SOX6: variants seen among roughly 807,000 people sequenced by gnomAD.
SOX6 encodes SRY-box transcription factor 6.
A neutral mutation model predicts 97.8 loss-of-function variants in SOX6; 11 were observed. That is an observed-to-expected ratio of 0.11 (90% CI 0.07 to 0.19). The LOEUF (loss-of-function observed/expected upper bound fraction) is 0.19. Ranked by LOEUF, SOX6 falls within the 10% of genes least tolerant of loss-of-function variation. The probability of loss-of-function intolerance (pLI) is 1.00; values close to 1 mark genes in which losing one functional copy is unlikely to be tolerated. For synonymous variants in SOX6, 360 were observed against 371.4 expected (o/e 0.97, Z 0.35); for missense variants, 810 against 1,039.5 (o/e 0.78, Z 3.04).
At chr11:16,638,882 T>C (rs1848841731) in intron 3 of SOX6, among the ~76,000 whole-genome samples, 1 of 152,224 alleles carries the variant, frequency 6.6e-6, no homozygotes, top group South Asian at 2.1e-4. Context: ...CTGTTCACTC[T>C]GATGGTAGTT....
intron 3 of SOX6, among the ~76,000 whole-genome samples, chr11:16,615,720 G>A (rs906309590): frequency 6.6e-6 from 1 of 152,122 alleles, no homozygotes; most frequent in Non-Finnish European, 1.5e-5. Flanking sequence ...TATTTTTGAA[G>A]TGCTATCTGA....
chr11:16,207,464 G>A (rs868370771), intron 4 of SOX6, among the ~76,000 whole-genome samples: 2 of 151,772 alleles, frequency 1.3e-5, no homozygotes, highest in African/African-American at 2.4e-5. Context: ...GCATGGTGGC[G>A]GGCACCTGTA....
In SOX6 at chr11:16,049,798, G is replaced by T; in HGVS notation, c.1392C>A (p.Ile464=). 4 of 1,613,646 alleles carry T rather than the reference G, an allele frequency of 2.5e-6. No homozygotes were observed. Among genetic ancestry groups the T allele is most frequent in the Non-Finnish European group, 3.4e-6 (4 of 1,179,816 alleles). ...CCAGGCTTCCTCCAATGGGGCTAGGGATGCTGCTTTTGTTTGGCAGATTGA... is the reference window on the plus strand; with the variant it reads ...CCAGGCTTCCTCCAATGGGGCTAGGTATGCTGCTTTTGTTTGGCAGATTGA... ...SPVNLPNKSS[I]PSPIGGSLGR... is the part of the protein sequence containing the mutation. Residue 464 remains isoleucine (I), a synonymous_variant, in exon 11 of 16, where the codon ATC becomes ATA. Coordinates refer to ENST00000683767, the MANE Select transcript of SOX6 (RefSeq NM_001367873.1).
chr11:16,544,102 A>G (rs1443128187), intron 4 of SOX6, among the ~76,000 whole-genome samples: 1 of 152,214 alleles, frequency 6.6e-6, no homozygotes, highest in Non-Finnish European at 1.5e-5. Context: ...GCTAAGCAAA[A>G]GAAGCTAAAA....
intron 3 of SOX6, chr11:16,316,723 A>G: frequency 6.6e-6 from 1 of 152,156 alleles, no homozygotes; most frequent in Non-Finnish European, 1.5e-5. Flanking sequence ...ACTTACTTAT[A>G]GAACTGAAAC....
intron 2 of SOX6, among the ~76,000 whole-genome samples, chr11:16,723,667 C>T (rs896310848): frequency 2.6e-5 from 4 of 151,776 alleles, no homozygotes; most frequent in South Asian, 2.1e-4. Context: ...AAAATTAGCC[C>T]GGCCTGGTGG....
chr11:16,631,922 A>G lies in SOX6; in HGVS notation n.430-19662T>C, dbSNP rs115756178. Among the ~76,000 whole-genome samples the G allele has an allele frequency of 3.1e-3, 473 of 152,312 alleles. 4 individuals carry two copies. Among genetic ancestry groups the G allele is most frequent in the African/African-American group, 0.011 (446 of 41,578 alleles). On this transcript the variant is annotated intron_variant and non_coding_transcript_variant, in intron 3 of 5. Transcript: ENST00000524520. ...CAAAATTCTTTAAGTGAGTTTTTCAATTGCAGAAGCTCTGATTTATTTTTT... is the reference window on the plus strand; with the variant it reads ...CAAAATTCTTTAAGTGAGTTTTTCAGTTGCAGAAGCTCTGATTTATTTTTT...
At chr11:16,132,323 G>GAAGC (rs1590216126) in intron 6 of SOX6, among the ~76,000 whole-genome samples, 2 of 82,852 alleles carry the variant, frequency 2.4e-5, no homozygotes, top group East Asian at 6.4e-4. Flanking sequence ...AGGAAGGAAG[G>GAAGC]AAGGAAGGAA....
At chr11:16,584,873 T>G (rs1194903823) in intron 4 of SOX6, among the ~76,000 whole-genome samples, 1 of 152,198 alleles carries the variant, frequency 6.6e-6, no homozygotes, top group African/African-American at 2.4e-5. Context: ...CCCTGGGAAA[T>G]GCCTCCTGGG....
At chr11:16,172,549 G>A (rs1439136220) in intron 6 of SOX6, among the ~76,000 whole-genome samples, 1 of 151,990 alleles carries the variant, frequency 6.6e-6, no homozygotes, top group Non-Finnish European at 1.5e-5. Flanking sequence ...CCCTTCAATG[G>A]TTTGAAATGG....
At chr11:16,437,337 T>A (rs1048178092) in intron 1 of SOX6, among the ~76,000 whole-genome samples, 4 of 151,954 alleles carry the variant, frequency 2.6e-5, no homozygotes, top group Middle Eastern at 3.2e-3. Flanking sequence ...TTAAAATTAA[T>A]CTTATTCTAT....
chr11:16,453,843 C>T (rs1359392376), intron 1 of SOX6, among the ~76,000 whole-genome samples: 1 of 152,098 alleles, frequency 6.6e-6, no homozygotes, highest in Non-Finnish European at 1.5e-5. Context: ...TGATTAAATG[C>T]ATCTGATAAC....
intron 6 of SOX6, among the ~76,000 whole-genome samples, chr11:16,178,806 A>T (rs972026915): frequency 6.6e-6 from 1 of 151,916 alleles, no homozygotes; most frequent in East Asian, 1.9e-4. Flanking sequence ...ATCAATGATA[A>T]ATACAAATAA....
chr11:16,361,149 T>A (rs1021347863), upstream of SOX6, among the ~76,000 whole-genome samples: 1 of 152,042 alleles, frequency 6.6e-6, no homozygotes, highest in African/African-American at 2.4e-5. Context: ...TTTTACAGAG[T>A]AAACTCTGTA....
chr11:16,441,297 C>T (rs1859498293), intron 1 of SOX6, among the ~76,000 whole-genome samples: 3 of 152,240 alleles, frequency 2.0e-5, no homozygotes, highest in South Asian at 2.1e-4. Context: ...AATATTAATG[C>T]CATTATTGAT....
chr11:16,732,854 A>G (rs1404541973), intron 2 of SOX6, among the ~76,000 whole-genome samples: 1 of 152,242 alleles, frequency 6.6e-6, no homozygotes, highest in East Asian at 1.9e-4. Context: ...CAAAGTGCTA[A>G]TATCCAGAAT....
Position 16,131,812 on chromosome 11 carries a change from T to A in SOX6, c.778-19889A>T, listed in dbSNP as rs751460532. ...GAAATATAAGAATAAATGAAATACA[T>A]CTAACAGAAAAGACTATTTATTGTA... is the stretch of plus-strand genomic sequence containing the variant. On this transcript the variant is annotated intron_variant, in intron 6 of 15. Coordinates refer to ENST00000683767, the MANE Select transcript of SOX6 (RefSeq NM_001367873.1). Among the ~76,000 whole-genome samples the A allele has an allele frequency of 2.6e-5, 4 of 151,954 alleles. No homozygotes were observed. In the South Asian group the frequency reaches 6.2e-4, roughly 24 times the overall value.
chr11:16,608,519 G>A (rs1848361610), intron 4 of SOX6, among the ~76,000 whole-genome samples: 1 of 151,464 alleles, frequency 6.6e-6, no homozygotes, highest in Admixed American at 6.6e-5. Context: ...AGGAAGCAGA[G>A]ATGATGAAAA....
intron 12 of SOX6, among the ~76,000 whole-genome samples, chr11:16,019,575 A>G (rs535953811): frequency 4.6e-5 from 7 of 152,280 alleles, no homozygotes; most frequent in African/African-American, 1.2e-4. Flanking sequence ...TAATTGCCAA[A>G]TACTCTATTT....
Sources: gnomAD v4.1 joint callset for allele counts (sites outside exome capture counted in the v4.1 genomes callset) on GRCh38, gnomAD v4.1.1 for gene constraint, MANE v1.5 for transcripts, NCBI Gene and HGNC (gene_info 2026-07-23, HGNC 2026-07-21) for gene names.